NEBL: variants seen among roughly 807,000 people sequenced by gnomAD.
NEBL encodes the protein nebulette, also known as LIM and SH3 protein 2.
A neutral mutation model predicts 140.2 loss-of-function variants in NEBL; 122 were observed. The ratio of observed to expected loss-of-function variants is 0.87; its 90% CI spans 0.75 to 1.01. The LOEUF is 1.01. NEBL is among the 50% of genes least tolerant of loss of function. The pLI is 0.00. For synonymous variants in NEBL, 436 were observed against 398.9 expected (o/e 1.09, Z -1.11); for missense variants, 1,365 against 1,231.3 (o/e 1.11, Z -1.62).
chr10:20,852,014 A>T (rs1044212208), intron 10 of NEBL, among the ~76,000 whole-genome samples: 15 of 151,364 alleles, frequency 9.9e-5, no homozygotes, highest in African/African-American at 3.4e-4. Context: ...GCTCAGAATT[A>T]AAAAAAAATA....
At chr10:21,275,886 G>C (rs561162304) in intron 1 of NEBL, among the ~76,000 whole-genome samples, 1 of 141,266 alleles carries the variant, frequency 7.1e-6, no homozygotes, top group Non-Finnish European at 1.5e-5. Flanking sequence ...TTGAATTCCC[G>C]ACCTCAGGCG....
At chr10:20,924,912 G>C (rs1176903227) in intron 4 of NEBL, among the ~76,000 whole-genome samples, 1 of 151,954 alleles carries the variant, frequency 6.6e-6, no homozygotes, top group Non-Finnish European at 1.5e-5. Context: ...AAGAACAAAG[G>C]ACAAAGAGAT....
intron 2 of NEBL, among the ~76,000 whole-genome samples, chr10:21,068,631 T>A (rs755912622): frequency 3.3e-5 from 5 of 152,238 alleles, no homozygotes; most frequent in African/African-American, 7.2e-5. Context: ...CCATGGGCTC[T>A]GGTCTTTTCA....
At chr10:20,908,911 A>C (rs1182828839) in intron 4 of NEBL, among the ~76,000 whole-genome samples, 2 of 152,166 alleles carry the variant, frequency 1.3e-5, no homozygotes, top group Non-Finnish European at 2.9e-5. Context: ...ACTCATTCTA[A>C]ATGGTAAGAT....
At chr10:21,265,791 T>C (rs910659948) in intron 1 of NEBL, among the ~76,000 whole-genome samples, 3 of 152,212 alleles carry the variant, frequency 2.0e-5, no homozygotes, top group African/African-American at 4.8e-5. Context: ...ACTCTACCAC[T>C]GGAATGTGAA....
chr10:20,848,952 G>C lies in NEBL; in HGVS notation c.1116+1443C>G, dbSNP rs150518025. Among the ~76,000 whole-genome samples the C allele has an allele frequency of 1.7e-4, 26 of 152,272 alleles. 1 individual carries two copies. In the East Asian group the frequency reaches 5.0e-3, roughly 29 times the overall value. The stretch of plus-strand genomic sequence containing the variant: ...TTATAACATTTCAACAAATAGCATA[G>C]TTAATGCTTACAAAATTCCTGAGAG... On this transcript the variant is annotated intron_variant, in intron 11 of 27. Transcript: ENST00000377122.
At position 21,202,461 on chromosome 10, in the gene NEBL, C is replaced by CTTTTTTTTTTTTTTTTTTT. The variant is rs35623208; in HGVS notation, n.349-30003_349-29985dup. 1.2e-3 allele frequency among the ~76,000 whole-genome samples: 142 copies of CTTTTTTTTTTTTTTTTTTT among 117,298 alleles called. 1 individual carries two copies. Among genetic ancestry groups the CTTTTTTTTTTTTTTTTTTT allele is most frequent in the African/African-American group, 1.6e-3 (48 of 29,412 alleles). 77.0% of individuals were successfully genotyped at this position (117,298 alleles called of 152,430 possible). A position where few individuals can be genotyped will look rare whatever the true frequency, so the allele number is the denominator to read the frequency against. ...ACCTTCTAATTTTTCTTTTCTTTTTCTTTTTTTTTTTTTTTTTTTTGAAAC... is the reference window on the plus strand; with the variant it reads ...ACCTTCTAATTTTTCTTTTCTTTTTCTTTTTTTTTTTTTTTTTTTTTTTTTTTTTTTTTTTTTTTGAAAC... On this transcript the variant is annotated intron_variant and non_coding_transcript_variant, in intron 3 of 8. Transcript: ENST00000675702.
chr10:21,216,213 C>T (rs1284048395), intron 3 of NEBL, among the ~76,000 whole-genome samples: 1 of 152,206 alleles, frequency 6.6e-6, no homozygotes, highest in Non-Finnish European at 1.5e-5. Flanking sequence ...ACTAAACTCT[C>T]ACTAAATATA....
intron 4 of NEBL, among the ~76,000 whole-genome samples, chr10:20,915,776 T>C (rs10159995): frequency 0.65 from 97,883 of 151,702 alleles, 31,992 homozygotes; most frequent in Admixed American, 0.73. Flanking sequence ...TACCCAGTAA[T>C]GGGATGGCTG....
rs377709797 is a variant in NEBL at position 21,049,983 on chromosome 10, G to T, written c.165-29782C>A. ...TTAGTATCCCCCAGGAAACCAAAGTGAACATGAAAGGTTACTGAAGAGCAT... is the reference window on the plus strand; with the variant it reads ...TTAGTATCCCCCAGGAAACCAAAGTTAACATGAAAGGTTACTGAAGAGCAT... On this transcript the variant is annotated intron_variant, in intron 2 of 6. Coordinates refer to the NEBL transcript ENST00000417816. Among the ~76,000 whole-genome samples, 21 of 152,318 alleles carry T rather than the reference G, an allele frequency of 1.4e-4. No homozygotes were observed. The South Asian group carries it at 4.1e-3, about 30-fold the overall frequency.
At chr10:21,088,097 A>G (rs1330974219) in intron 2 of NEBL, among the ~76,000 whole-genome samples, 1 of 152,174 alleles carries the variant, frequency 6.6e-6, no homozygotes, top group Non-Finnish European at 1.5e-5. Context: ...CTACATGTCC[A>G]TCAGGAATCA....
chr10:20,894,107 A>G (rs1175319495), intron 2 of NEBL, among the ~76,000 whole-genome samples: 5 of 152,220 alleles, frequency 3.3e-5, no homozygotes, highest in Non-Finnish European at 5.9e-5. Context: ...GAAAGCTGGA[A>G]GAAGTCCAAA....
At chr10:21,156,316 A>G (rs772956805) in intron 2 of NEBL, among the ~76,000 whole-genome samples, 14 of 152,362 alleles carry the variant, frequency 9.2e-5, no homozygotes, top group Non-Finnish European at 2.1e-4. Context: ...ACAAAGAGTT[A>G]TCAAAAAATT....
intron 2 of NEBL, among the ~76,000 whole-genome samples, chr10:21,031,387 C>T (rs1833782068): frequency 6.6e-6 from 1 of 152,188 alleles, no homozygotes; most frequent in African/African-American, 2.4e-5. Flanking sequence ...GGAACAAACA[C>T]AGCCAGAGGA....
At chr10:21,077,989 G>A (rs2131925787) in intron 2 of NEBL, among the ~76,000 whole-genome samples, 1 of 152,308 alleles carries the variant, frequency 6.6e-6, no homozygotes, top group East Asian at 1.9e-4. Context: ...GGCTGTCACA[G>A]GGACACTGAG....
At chr10:20,871,960 A>T (rs1844981760) in intron 5 of NEBL, among the ~76,000 whole-genome samples, 1 of 152,212 alleles carries the variant, frequency 6.6e-6, no homozygotes, top group East Asian at 1.9e-4. Context: ...GGTGAAAACA[A>T]ACCCAAATTA....
intron 7 of NEBL, among the ~76,000 whole-genome samples, chr10:20,866,134 T>A (rs1844258832): frequency 6.6e-6 from 1 of 152,192 alleles, no homozygotes; most frequent in Non-Finnish European, 1.5e-5. Context: ...TTTTTGGAAT[T>A]GAACCCTAAA....
intron 3 of NEBL, among the ~76,000 whole-genome samples, chr10:21,193,385 G>C (rs2132219015): frequency 6.6e-6 from 1 of 152,294 alleles, no homozygotes; most frequent in South Asian, 2.1e-4. Context: ...GAAACCAGCA[G>C]GGGTGCAGGA....
chr10:20,904,956 A>C (rs564020627), intron 4 of NEBL, among the ~76,000 whole-genome samples: 15 of 152,342 alleles, frequency 9.8e-5, no homozygotes, highest in Middle Eastern at 3.4e-3. Flanking sequence ...GTGATTTATG[A>C]ATTTTATGAA....
Sources: allele counts gnomAD v4.1 joint callset (sites outside exome capture counted in the v4.1 genomes callset), GRCh38; gene constraint gnomAD v4.1.1; transcripts MANE v1.5; gene names NCBI Gene and HGNC (gene_info 2026-07-23, HGNC 2026-07-21).